The following PPFIBP1 variants were observed in gnomAD, a reference collection of about 807,000 sequenced individuals.
PPFIBP1 encodes the protein liprin-beta-1.
PPFIBP1 carries 112 observed loss-of-function variants against 137.8 expected under a neutral mutation model. The observed-to-expected ratio is 0.81, with a 90% CI of 0.70 to 0.95. PPFIBP1 has a LOEUF of 0.95. Among genes scored for constraint, PPFIBP1 ranks in the 40% least tolerant of loss-of-function variants. PPFIBP1 has a pLI of 0.00. For missense variants in PPFIBP1, 1,083 were observed against 1,196.6 expected (o/e 0.91, Z 1.40); for synonymous variants, 378 against 417.3 (o/e 0.91, Z 1.15).
chr12:27,653,434 A>G (rs1202269114), intron 7 of PPFIBP1, among the ~76,000 whole-genome samples: 1 of 152,056 alleles, frequency 6.6e-6, no homozygotes, highest in Non-Finnish European at 1.5e-5. Flanking sequence ...TAAAAATACA[A>G]AAATTATCTG....
chr12:27,664,542 A>C, intron 12 of PPFIBP1, 96 bp downstream of exon 12: 1 of 781,948 alleles, frequency 1.3e-6, no homozygotes, highest in East Asian at 2.7e-5. Context: ...GATCATACCC[A>C]TTGTCCCAAA....
At chr12:27,537,523 C>T (rs917143427) in intron 1 of PPFIBP1, among the ~76,000 whole-genome samples, 8 of 152,104 alleles carry the variant, frequency 5.3e-5, no homozygotes, top group Non-Finnish European at 8.8e-5. Context: ...CTTTCTTTGA[C>T]CTCCTGTGAG....
chr12:27,674,877 AT>A (rs1226196700), intron 17 of PPFIBP1, among the ~76,000 whole-genome samples: 1 of 141,518 alleles, frequency 7.1e-6, no homozygotes, highest in African/African-American at 2.6e-5. Context: ...CAGTGGTGCA[AT>A]TATAACTCAC....
intron 1 of PPFIBP1, among the ~76,000 whole-genome samples, chr12:27,554,137 T>G (rs1279400169): frequency 6.6e-6 from 1 of 152,208 alleles, no homozygotes; most frequent in Non-Finnish European, 1.5e-5. Flanking sequence ...AGACATTAGC[T>G]CACAATCCCG....
intron 2 of PPFIBP1, among the ~76,000 whole-genome samples, chr12:27,626,081 T>C (rs2056795427): frequency 6.6e-6 from 1 of 152,144 alleles, no homozygotes; most frequent in Non-Finnish European, 1.5e-5. Context: ...TTTTGCCCTT[T>C]CCAAGTGATT....
At chr12:27,662,869 T>G (rs1022540328) in intron 11 of PPFIBP1, among the ~76,000 whole-genome samples, 2 of 152,320 alleles carry the variant, frequency 1.3e-5, no homozygotes, top group East Asian at 1.9e-4. Context: ...AGTTGTAGAT[T>G]GGTGGGGACT....
chr12:27,654,804 A>G lies in PPFIBP1; in HGVS notation c.686A>G (p.Lys229Arg). The G allele has an allele frequency of 6.2e-7, 1 of 1,612,362 alleles. No individual in the cohort carries two copies. The highest frequency in any genetic ancestry group is 8.5e-7 in the Non-Finnish European group (1 of 1,179,424). ...AGACTTCAGTATGAAAAAAAGCTTA[A>G]ATCAACCAAAGTAAGTTTTTCTCAC... ...SERLQYEKKL[K>R]STKDELASLK... The change falls in exon 8 of 30, where the codon AAA (lysine) becomes AGA (arginine). Residue 229 changes from lysine (K) to arginine (R), a missense_variant. By Grantham distance (26) the Lys-to-Arg change is conservative. Coordinates refer to ENST00000228425, the MANE Select transcript of PPFIBP1 (RefSeq NM_003622.4).
At chr12:27,676,633 T>C in intron 18 of PPFIBP1, 34 bp downstream of exon 18, 6 of 1,486,720 alleles carry the variant, frequency 4.0e-6, no homozygotes, top group Non-Finnish European at 5.4e-6. Flanking sequence ...GCCCTAATTC[T>C]TCCACAAGGA....
rs1405681686 is a variant in PPFIBP1 at position 27,694,718 on chromosome 12, G to T, written c.*1836G>T. The T allele has an allele frequency of 6.6e-6, 1 of 152,166 alleles. No individual in the cohort carries two copies. Among genetic ancestry groups the T allele is most frequent in the African/African-American group, 2.4e-5 (1 of 41,452 alleles). The allele number at this position is 152,166 out of a possible 1,614,324, so 9.4% of individuals were successfully genotyped here. On this transcript the variant is annotated 3_prime_UTR_variant, in exon 30 of 30. Coordinates refer to ENST00000228425, the MANE Select transcript of PPFIBP1 (RefSeq NM_003622.4). ...GTTTATTATATTTGTAGAAGTATTA[G>T]AAAAATATTCTATTTTTTATTCAGT... is the stretch of plus-strand genomic sequence containing the variant.
intron 11 of PPFIBP1, among the ~76,000 whole-genome samples, chr12:27,663,771 T>C (rs2059687716): frequency 6.6e-6 from 1 of 151,716 alleles, no homozygotes; most frequent in Non-Finnish European, 1.5e-5. Context: ...GCCCAGGAGG[T>C]TGAGGCTGCA....
chr12:27,617,948 T>C (rs2138421757), intron 2 of PPFIBP1, among the ~76,000 whole-genome samples: 1 of 152,302 alleles, frequency 6.6e-6, no homozygotes, highest in African/African-American at 2.4e-5. Context: ...AGTTTTCAAG[T>C]TCCTGTCAAG....
intron 10 of PPFIBP1, among the ~76,000 whole-genome samples, chr12:27,659,698 C>A (rs1481062053): frequency 6.6e-6 from 1 of 152,114 alleles, no homozygotes; most frequent in African/African-American, 2.4e-5. Context: ...GGCTCTTTCC[C>A]CCAGATGTTA....
chr12:27,570,483 C>T (rs1449200206), intron 1 of PPFIBP1, among the ~76,000 whole-genome samples: 1 of 151,948 alleles, frequency 6.6e-6, no homozygotes, highest in African/African-American at 2.4e-5. Flanking sequence ...AAAAACAATA[C>T]CTAATGTTTA....
chr12:27,649,391 T>C (rs2058736753), intron 6 of PPFIBP1, among the ~76,000 whole-genome samples: 1 of 152,182 alleles, frequency 6.6e-6, no homozygotes, highest in Admixed American at 6.5e-5. Context: ...GCCTGGCACA[T>C]AGCAAACATA....
At position 27,693,517 on chromosome 12, in the gene PPFIBP1, C is replaced by T. The variant is rs1007053940; in HGVS notation, c.*635C>T. The T allele has an allele frequency of 6.6e-6, 1 of 152,098 alleles. No homozygotes were observed. Among genetic ancestry groups the T allele is most frequent in the Non-Finnish European group, 1.5e-5 (1 of 68,028 alleles). The allele number at this position is 152,098 out of a possible 1,614,324, so 9.4% of individuals were successfully genotyped here. Reference sequence around the variant, plus strand: ...TATACCAGCTGGTTTCTGAAGAGGTCAGAATGATCTTTCTCCATACTGACT... The same window carrying T: ...TATACCAGCTGGTTTCTGAAGAGGTTAGAATGATCTTTCTCCATACTGACT... On this transcript the variant is annotated 3_prime_UTR_variant, in exon 30 of 30. Coordinates refer to ENST00000228425, the MANE Select transcript of PPFIBP1 (RefSeq NM_003622.4).
At position 27,525,443 on chromosome 12, in the gene PPFIBP1, G is replaced by A. The variant is rs182599830; in HGVS notation, c.-124+1078G>A. ...TGATTGACTTTCTCGAGGGGGCGGG[G>A]AAATTGACTCCATACACCGATTCAG... is the stretch of plus-strand genomic sequence containing the variant. On this transcript the variant is annotated intron_variant, in intron 1 of 29. Coordinates refer to ENST00000228425, the MANE Select transcript of PPFIBP1 (RefSeq NM_003622.4). Among the ~76,000 whole-genome samples the A allele has an allele frequency of 6.9e-3, 1,039 of 149,610 alleles. 5 individuals carry two copies. The highest frequency in any genetic ancestry group is 0.011 in the Non-Finnish European group (749 of 67,662).
At position 27,667,205 on chromosome 12, in the gene PPFIBP1, C is replaced by G. The variant is rs1309922018; in HGVS notation, c.1031C>G (p.Ser344Cys). The G allele has an allele frequency of 6.2e-7, 1 of 1,611,744 alleles. No homozygotes were observed. Residue 344 changes from serine (S) to cysteine (C), a missense_variant, in exon 13 of 30, where the codon TCC becomes TGC. Transcript: ENST00000228425. ...TATGAAGAGCTGCTCAATTCCAGTT[C>G]CATCTCCTCTTTGCTGGATGCACAG... ...GEYEELLNSS[S>C]ISSLLDAQGF... is the part of the protein sequence containing the mutation.
At chr12:27,653,363 G>T (rs1357019887) in intron 7 of PPFIBP1, among the ~76,000 whole-genome samples, 1 of 151,944 alleles carries the variant, frequency 6.6e-6, no homozygotes, top group Non-Finnish European at 1.5e-5. Flanking sequence ...AGGAGGGCGG[G>T]TCACTTGAGG....
intron 4 of PPFIBP1, among the ~76,000 whole-genome samples, chr12:27,638,006 G>C (rs2057808667): frequency 6.6e-6 from 1 of 151,882 alleles, no homozygotes; most frequent in Non-Finnish European, 1.5e-5. Flanking sequence ...ACTTAGAATA[G>C]TCAAATTTTA....
Sources: allele counts gnomAD v4.1 joint callset (sites outside exome capture counted in the v4.1 genomes callset), GRCh38; gene constraint gnomAD v4.1.1; transcripts MANE v1.5; gene names NCBI Gene and HGNC (gene_info 2026-07-23, HGNC 2026-07-21).